The following FHIP1A variants were observed in gnomAD, a reference collection of about 807,000 sequenced individuals.
The protein encoded by FHIP1A is FHF complex subunit HOOK-interacting protein 1A.
A neutral mutation model predicts 88.6 loss-of-function variants in FHIP1A; 61 were observed. The ratio of observed to expected loss-of-function variants is 0.69; its 90% confidence interval spans 0.56 to 0.85. The LOEUF (loss-of-function observed/expected upper bound fraction) is 0.85. Ranked by LOEUF, FHIP1A falls within the 40% of genes least tolerant of loss-of-function variation. The pLI is 0.00. For synonymous variants in FHIP1A, 478 were observed against 496.0 expected (o/e 0.96, Z 0.48); for missense variants, 1,154 against 1,273.5 (o/e 0.91, Z 1.43).
At chr4:151,489,092 C>G (rs1306661430) in intron 3 of FHIP1A, among the ~76,000 whole-genome samples, 1 of 152,202 alleles carries the variant, frequency 6.6e-6, no homozygotes, top group Non-Finnish European at 1.5e-5. Flanking sequence ...CCGCTGCAAA[C>G]TCTACGTGAG....
chr4:151,509,747 C>T (rs1362639145), intron 3 of FHIP1A, among the ~76,000 whole-genome samples: 2 of 143,910 alleles, frequency 1.4e-5, no homozygotes, highest in African/African-American at 2.7e-5. Context: ...GTTAAAAATA[C>T]TGTCTCTATG....
Position 151,666,579 on chromosome 4 carries a change from A to G in FHIP1A, c.*3825A>G, listed in dbSNP as rs1341803706. 6.6e-6 allele frequency among the ~76,000 whole-genome samples: 1 copy of G among 152,194 alleles called. No homozygotes were observed. Among genetic ancestry groups the G allele is most frequent in the Non-Finnish European group, 1.5e-5 (1 of 68,036 alleles). ...CAGAATCTAGAAACAGGCTACATGA[A>G]TATTGGGGTTGCCTGTTTAATTTGG... On this transcript the variant is annotated 3_prime_UTR_variant, in exon 14 of 14. Transcript: ENST00000435205.
intron 3 of FHIP1A, among the ~76,000 whole-genome samples, chr4:151,551,063 G>A (rs1463378890): frequency 6.6e-6 from 1 of 152,176 alleles, no homozygotes; most frequent in African/African-American, 2.4e-5. Context: ...ATTCTGGAGA[G>A]GGCTGACAGC....
intron 3 of FHIP1A, among the ~76,000 whole-genome samples, chr4:151,528,184 G>C (rs1308067558): frequency 6.6e-6 from 1 of 152,190 alleles, no homozygotes; most frequent in African/African-American, 2.4e-5. Context: ...TTCATGGCCA[G>C]TTGAGTAGTG....
intron 3 of FHIP1A, among the ~76,000 whole-genome samples, chr4:151,508,749 T>G (rs2126674288): frequency 6.6e-6 from 1 of 152,276 alleles, no homozygotes; most frequent in Admixed American, 6.5e-5. Flanking sequence ...TAATGCTGGT[T>G]TCTTGGGATT....
intron 7 of FHIP1A, among the ~76,000 whole-genome samples, chr4:151,609,230 G>T (rs1255639506): frequency 1.3e-5 from 2 of 152,164 alleles, no homozygotes; most frequent in African/African-American, 2.4e-5. Flanking sequence ...CCTGCCAAAT[G>T]CCTTGGTGCT....
At chr4:151,603,294 C>G (rs147022017) in intron 7 of FHIP1A, among the ~76,000 whole-genome samples, 3 of 149,956 alleles carry the variant, frequency 2.0e-5, no homozygotes, top group East Asian at 2.0e-4. Flanking sequence ...GCCTGGGCAA[C>G]AGAGCGAGAC....
At chr4:151,479,823 C>G (rs1729833128) in intron 2 of FHIP1A, among the ~76,000 whole-genome samples, 1 of 151,998 alleles carries the variant, frequency 6.6e-6, no homozygotes, top group Non-Finnish European at 1.5e-5. Context: ...CTGAACTTGA[C>G]ATAGTAGAGG....
chr4:151,511,788 T>C (rs1419210315), intron 3 of FHIP1A, among the ~76,000 whole-genome samples: 2 of 152,218 alleles, frequency 1.3e-5, no homozygotes, highest in Admixed American at 6.5e-5. Context: ...GCAGGAAGCT[T>C]GAACTGGGTG....
chr4:151,441,961 G>A (rs1402673655), intron 1 of FHIP1A, among the ~76,000 whole-genome samples: 2 of 151,988 alleles, frequency 1.3e-5, no homozygotes, highest in East Asian at 3.9e-4. Flanking sequence ...GTTCCATATT[G>A]TAAGGCAAGT....
chr4:151,662,129 C>T (rs1333628291), intron 13 of FHIP1A, among the ~76,000 whole-genome samples: 1 of 152,182 alleles, frequency 6.6e-6, no homozygotes, highest in African/African-American at 2.4e-5. Flanking sequence ...GCAGAGCAGG[C>T]GGGACTACTC....
intron 7 of FHIP1A, among the ~76,000 whole-genome samples, chr4:151,598,359 C>T (rs1328920393): frequency 6.6e-6 from 1 of 152,190 alleles, no homozygotes; most frequent in Non-Finnish European, 1.5e-5. Context: ...TGGTAGGCTG[C>T]ACCCACTGTC....
chr4:151,445,663 G>A (rs1728571310), intron 1 of FHIP1A, among the ~76,000 whole-genome samples: 2 of 151,526 alleles, frequency 1.3e-5, no homozygotes, highest in Admixed American at 1.3e-4. Context: ...GGAACCCTGT[G>A]CCAGGAATTA....
At chr4:151,460,398 T>A (rs1729107415) in intron 2 of FHIP1A, among the ~76,000 whole-genome samples, 1 of 152,170 alleles carries the variant, frequency 6.6e-6, no homozygotes, top group Non-Finnish European at 1.5e-5. Flanking sequence ...AAATAGCTAC[T>A]CACATCTAGT....
chr4:151,413,375 A>G (rs1732753120), intron 1 of FHIP1A, among the ~76,000 whole-genome samples: 1 of 152,224 alleles, frequency 6.6e-6, no homozygotes, highest in Admixed American at 6.5e-5. Flanking sequence ...GAGGAGCCAG[A>G]CAGGAATCTG....
chr4:151,629,639 G>A, intron 7 of FHIP1A, 63 bp from the exon 8 acceptor site: 1 of 1,458,634 alleles, frequency 6.9e-7, no homozygotes, highest in Middle Eastern at 1.8e-4. Context: ...GGGGCCACGG[G>A]AGAGGCGTGT....
At chr4:151,640,482 GCTC>G (rs549095248) in intron 9 of FHIP1A, among the ~76,000 whole-genome samples, 2 of 152,162 alleles carry the variant, frequency 1.3e-5, no homozygotes, top group Non-Finnish European at 2.9e-5. Context: ...GATTATGTTA[GCTC>G]CTCATCAAGC....
At chr4:151,640,473 AT>A (rs1217791228) in intron 9 of FHIP1A, among the ~76,000 whole-genome samples, 1 of 152,186 alleles carries the variant, frequency 6.6e-6, no homozygotes, top group Non-Finnish European at 1.5e-5. Context: ...TCCTAAAAGG[AT>A]TATGTTAGCT....
At chr4:151,577,327 C>T in intron 4 of FHIP1A, 123 bp from the exon 5 acceptor site, 2 of 807,690 alleles carry the variant, frequency 2.5e-6, no homozygotes, top group Non-Finnish European at 1.9e-6. Context: ...ACACAATGCC[C>T]ACACATATCT....
Sources: gnomAD v4.1 joint callset for allele counts (sites outside exome capture counted in the v4.1 genomes callset) on GRCh38, gnomAD v4.1.1 for gene constraint, MANE v1.5 for transcripts, NCBI Gene and HGNC (gene_info 2026-07-23, HGNC 2026-07-21) for gene names.